MIA2: variants seen among roughly 807,000 people sequenced by gnomAD.
MIA2 encodes the protein melanoma inhibitory activity protein 2.
MIA2 carries 127 observed loss-of-function variants against 167.8 expected under a neutral mutation model. The observed-to-expected ratio is 0.76, with a 90% CI of 0.66 to 0.88. MIA2 has a LOEUF of 0.88. Ranked by LOEUF, MIA2 falls within the 40% of genes least tolerant of loss-of-function variation. The pLI is 0.00. For synonymous variants in MIA2, 552 were observed against 541.9 expected (o/e 1.02, Z -0.26); for missense variants, 1,690 against 1,624.7 (o/e 1.04, Z -0.69).
In MIA2 at chr14:39,279,330, G is replaced by A; in HGVS notation, c.2020-7G>A. ...TTAATGTAATTTTTGTTAAAAATTT[G>A]TTTCAGGTTAGGAGTCGGCTTTATG... On this transcript the variant is annotated splice_region_variant and splice_polypyrimidine_tract_variant and intron_variant, in intron 7 of 28. Coordinates refer to ENST00000640607, the MANE Select transcript of MIA2 (RefSeq NM_001329214.4). 6.2e-7 allele frequency: 1 copy of A among 1,600,730 alleles called. No homozygotes were observed. The highest frequency in any genetic ancestry group is 1.4e-5 in the African/African-American group (1 of 74,030).
At chr14:39,234,750 C>A (rs2152588894) in intron 1 of MIA2, among the ~76,000 whole-genome samples, 1 of 152,024 alleles carries the variant, frequency 6.6e-6, no homozygotes, top group South Asian at 2.1e-4. Flanking sequence ...TTAATCATTT[C>A]TGTGTTATTT....
chr14:39,243,417 G>A lies in MIA2; in HGVS notation c.336+2770G>A, dbSNP rs898527052. 4.6e-5 allele frequency among the ~76,000 whole-genome samples: 7 copies of A among 152,272 alleles called. No individual in the cohort carries two copies. The South Asian group carries it at 1.2e-3, about 27-fold the overall frequency. ...ACTCATTTAATCCTCACGACACCTCGGTAAAATAGGTACTGTCAGTTTCCC... is the reference window on the plus strand; with the variant it reads ...ACTCATTTAATCCTCACGACACCTCAGTAAAATAGGTACTGTCAGTTTCCC... On this transcript the variant is annotated intron_variant, in intron 3 of 28. Coordinates refer to ENST00000640607, the MANE Select transcript of MIA2 (RefSeq NM_001329214.4).
chr14:39,279,160 CAAA>C (rs71435634), intron 7 of MIA2, among the ~76,000 whole-genome samples, 174 bp from the exon 8 acceptor site: 3 of 96,422 alleles, frequency 3.1e-5, no homozygotes, highest in South Asian at 3.7e-4. Context: ...GACTCTGTCT[CAAA>C]AAAAAAAAAA....
intron 9 of MIA2, among the ~76,000 whole-genome samples, chr14:39,289,733 T>C (rs956742783): frequency 1.3e-5 from 2 of 152,192 alleles, no homozygotes; most frequent in Non-Finnish European, 1.5e-5. Flanking sequence ...TCCTCCCACG[T>C]TGGCCTCCCA....
At position 39,236,052 on chromosome 14, in the gene MIA2, C is replaced by G. The variant is rs992347842; in HGVS notation, c.116-870C>G. Among the ~76,000 whole-genome samples, 3 of 151,954 alleles carry G rather than the reference C, an allele frequency of 2.0e-5. No homozygotes were observed. The East Asian group carries it at 5.8e-4, about 29-fold the overall frequency. ...GTGATTCGTTCATAGTTATTGAGGCCTACTACACGTTGGGTTGGGCGGGGG... is the reference window on the plus strand; with the variant it reads ...GTGATTCGTTCATAGTTATTGAGGCGTACTACACGTTGGGTTGGGCGGGGG... On this transcript the variant is annotated intron_variant, in intron 1 of 28. Transcript: ENST00000640607.
At chr14:39,280,016 G>A (rs946143296) in intron 9 of MIA2, among the ~76,000 whole-genome samples, 12 of 150,808 alleles carry the variant, frequency 8.0e-5, no homozygotes, top group African/African-American at 2.4e-4. Context: ...TGATCCATTT[G>A]AAATCAGATC....
chr14:39,285,587 C>T (rs1238711329), intron 9 of MIA2, among the ~76,000 whole-genome samples: 2 of 148,886 alleles, frequency 1.3e-5, no homozygotes, highest in Non-Finnish European at 3.0e-5. Flanking sequence ...GACCTCCCTC[C>T]CGGACGGGGC....
Position 39,233,932 on chromosome 14 carries a change from G to C in MIA2, c.-183G>C. The C allele has an allele frequency of 2.1e-6, 1 of 477,944 alleles. No individual in the cohort carries two copies. The highest frequency in any genetic ancestry group is 3.7e-6 in the Non-Finnish European group (1 of 270,812). The allele number at this position is 477,944 out of a possible 1,614,324, so 29.6% of individuals were successfully genotyped here. ...TGCAGATTGAAAACAGACAGTGTTT[G>C]TCTCTCAAGTTAAACCAACAAGCCG... On this transcript the variant is annotated 5_prime_UTR_variant, in exon 1 of 29. Coordinates refer to ENST00000640607, the MANE Select transcript of MIA2 (RefSeq NM_001329214.4).
intron 23 of MIA2, among the ~76,000 whole-genome samples, chr14:39,380,397 G>A (rs1371587209): frequency 6.6e-6 from 1 of 152,058 alleles, no homozygotes; most frequent in African/African-American, 2.4e-5. Flanking sequence ...GGGCTAGAAG[G>A]CAATTAAAAA....
intron 24 of MIA2, among the ~76,000 whole-genome samples, chr14:39,321,873 G>T (rs2152973927): frequency 6.6e-6 from 1 of 151,360 alleles, no homozygotes. Flanking sequence ...GGATTCTCCT[G>T]CCTCAGCCTC....
intron 23 of MIA2, chr14:39,386,641 C>T: frequency 3.8e-6 from 4 of 1,041,148 alleles, no homozygotes; most frequent in Non-Finnish European, 5.8e-6. Context: ...GCAGTCTGAT[C>T]TGTGACAGCT....
intron 13 of MIA2, among the ~76,000 whole-genome samples, chr14:39,297,366 A>G (rs2061571733): frequency 6.6e-6 from 1 of 152,114 alleles, no homozygotes; most frequent in Non-Finnish European, 1.5e-5. Flanking sequence ...TGCTGGGATT[A>G]CACGCATGAG....
At chr14:39,333,108 C>A (rs566338578) in intron 25 of MIA2, among the ~76,000 whole-genome samples, 2 of 151,972 alleles carry the variant, frequency 1.3e-5, no homozygotes, top group South Asian at 4.2e-4. Context: ...TTTATAATAA[C>A]TGCTTTAAAG....
intron 18 of MIA2, 135 bp from the exon 19 acceptor site, chr14:39,313,205 T>C (rs954195126): frequency 1.4e-5 from 6 of 438,466 alleles, no homozygotes; most frequent in African/African-American, 4.1e-5. Flanking sequence ...ACTTTTTTTT[T>C]CCTTGTAGGT....
chr14:39,345,033 G>A (rs757677694), intron 25 of MIA2, among the ~76,000 whole-genome samples: 1 of 151,842 alleles, frequency 6.6e-6, no homozygotes, highest in Non-Finnish European at 1.5e-5. Context: ...CATCTGTTGA[G>A]TCAGAGAGAG....
At chr14:39,363,939 C>T (rs1426049363) in intron 23 of MIA2, among the ~76,000 whole-genome samples, 1 of 152,112 alleles carries the variant, frequency 6.6e-6, no homozygotes, top group Non-Finnish European at 1.5e-5. Context: ...TTCTTGTAGG[C>T]AGTATATAGT....
intron 13 of MIA2, among the ~76,000 whole-genome samples, chr14:39,297,663 T>TTGTGTGTGTGTGTGTGTGTGTGTGTG (rs1555375049): frequency 2.1e-5 from 1 of 47,396 alleles, no homozygotes; most frequent in African/African-American, 1.1e-4. Flanking sequence ...CTGTAGGGTT[T>TTGTGTGTGTGTGTGTGTGTGTGTGTG]TGCGTGTGTG....
intron 13 of MIA2, among the ~76,000 whole-genome samples, chr14:39,299,473 AATT>A (rs1206426612): frequency 1.3e-5 from 2 of 151,954 alleles, no homozygotes; most frequent in Non-Finnish European, 2.9e-5. Flanking sequence ...ATGCCAAGCT[AATT>A]TTTGTGTTTT....
chr14:39,360,393 C>A (rs1275858123), intron 23 of MIA2, among the ~76,000 whole-genome samples: 1 of 151,844 alleles, frequency 6.6e-6, no homozygotes, highest in Non-Finnish European at 1.5e-5. Flanking sequence ...GTTTCATATA[C>A]CTGTTGGCCA....
Sources: gnomAD v4.1 joint callset for allele counts (sites outside exome capture counted in the v4.1 genomes callset) on GRCh38, gnomAD v4.1.1 for gene constraint, MANE v1.5 for transcripts, NCBI Gene and HGNC (gene_info 2026-07-23, HGNC 2026-07-21) for gene names.